The following COL24A1 variants were observed in gnomAD, a reference collection of about 807,000 sequenced individuals.
COL24A1 encodes the protein collagen type XXIV alpha 1 chain.
COL24A1 carries 224 observed loss-of-function variants against 253.9 expected under a neutral mutation model. The ratio of observed to expected loss-of-function variants is 0.88; its 90% CI spans 0.79 to 0.99. The LOEUF is 0.99. Among genes scored for constraint, COL24A1 ranks in the 50% least tolerant of loss-of-function variants. The pLI is 0.00. For missense variants in COL24A1, 2,131 were observed against 2,068.5 expected (o/e 1.03, Z -0.59); for synonymous variants, 685 against 673.7 (o/e 1.02, Z -0.26).
chr1:85,942,424 AG>A (rs1382786468), intron 24 of COL24A1, among the ~76,000 whole-genome samples: 1 of 152,084 alleles, frequency 6.6e-6, no homozygotes, highest in Non-Finnish European at 1.5e-5. Context: ...TTTTTGCCTA[AG>A]TGATTGGTCT....
At chr1:85,917,586 A>G (rs1371598441) in intron 24 of COL24A1, among the ~76,000 whole-genome samples, 3 of 139,234 alleles carry the variant, frequency 2.2e-5, no homozygotes, top group African/African-American at 8.0e-5. Context: ...ATTCTTTTCC[A>G]TGTCTTTGCT....
intron 29 of COL24A1, 60 bp from the exon 30 acceptor site, chr1:85,896,125 T>C: frequency 6.8e-7 from 1 of 1,476,642 alleles, no homozygotes; most frequent in East Asian, 2.3e-5. Context: ...CTTACTATGC[T>C]AGCATATGCT....
At chr1:86,150,501 G>C (rs957042454) in intron 1 of COL24A1, among the ~76,000 whole-genome samples, 7 of 152,162 alleles carry the variant, frequency 4.6e-5, no homozygotes, top group African/African-American at 1.7e-4. Flanking sequence ...TTAGTTAGAT[G>C]TCCAAAGAAA....
At chr1:85,849,502 G>T in intron 37 of COL24A1, 96 bp from the exon 38 acceptor site, 1 of 924,954 alleles carries the variant, frequency 1.1e-6, no homozygotes, top group Non-Finnish European at 1.7e-6. Context: ...GGATTGGATT[G>T]GACGAGAAGT....
chr1:85,808,645 T>C (rs1672224752), intron 47 of COL24A1, among the ~76,000 whole-genome samples: 1 of 152,204 alleles, frequency 6.6e-6, no homozygotes, highest in African/African-American at 2.4e-5. Context: ...TAAACTGGAC[T>C]TGGAGAGTAG....
At chr1:85,943,468 T>G (rs562037508) in intron 24 of COL24A1, among the ~76,000 whole-genome samples, 1 of 152,366 alleles carries the variant, frequency 6.6e-6, no homozygotes, top group African/African-American at 2.4e-5. Flanking sequence ...CTGAGTATCA[T>G]TCTTTCATAC....
intron 19 of COL24A1, among the ~76,000 whole-genome samples, chr1:85,993,778 C>T (rs949628785): frequency 1.3e-5 from 2 of 151,712 alleles, no homozygotes; most frequent in Non-Finnish European, 2.9e-5. Flanking sequence ...TTTTAGATAA[C>T]CATATGCTTT....
chr1:86,045,899 G>C (rs989310523), intron 12 of COL24A1: 2 of 429,878 alleles, frequency 4.7e-6, no homozygotes, highest in African/African-American at 4.1e-5. Flanking sequence ...GTAGAAGACA[G>C]AGCAGAAATA....
intron 37 of COL24A1, among the ~76,000 whole-genome samples, chr1:85,854,378 A>G (rs552894858): frequency 6.6e-6 from 1 of 152,294 alleles, no homozygotes; most frequent in East Asian, 1.9e-4. Context: ...CTTGTAGTAT[A>G]GTTTGAAGTC....
chr1:85,857,279 G>A (rs527630759), intron 37 of COL24A1, among the ~76,000 whole-genome samples: 62 of 151,944 alleles, frequency 4.1e-4, no homozygotes, highest in African/African-American at 1.4e-3. Flanking sequence ...GAAACAGCTG[G>A]GAAGTTTGTG....
chr1:86,147,742 T>A (rs950951203), intron 1 of COL24A1, among the ~76,000 whole-genome samples: 2 of 152,258 alleles, frequency 1.3e-5, no homozygotes, highest in Non-Finnish European at 2.9e-5. Flanking sequence ...AAAAACTATT[T>A]AGAACATTCA....
At chr1:86,115,675 T>G (rs1300310810) in intron 3 of COL24A1, among the ~76,000 whole-genome samples, 1 of 152,236 alleles carries the variant, frequency 6.6e-6, no homozygotes, top group Admixed American at 6.5e-5. Context: ...ATTTTTTACC[T>G]AAATTTACTT....
intron 55 of COL24A1, among the ~76,000 whole-genome samples, chr1:85,748,245 G>C (rs1006968288): frequency 6.6e-6 from 1 of 152,100 alleles, no homozygotes; most frequent in Non-Finnish European, 1.5e-5. Flanking sequence ...TAATAATGCT[G>C]GTAGTCTGTC....
At chr1:86,102,247 T>C (rs983344190) in intron 5 of COL24A1, among the ~76,000 whole-genome samples, 1 of 152,144 alleles carries the variant, frequency 6.6e-6, no homozygotes, top group Non-Finnish European at 1.5e-5. Context: ...CCTTTGTTGT[T>C]TCTAATTGTG....
chr1:86,127,805 C>T (rs1876403), intron 2 of COL24A1, among the ~76,000 whole-genome samples: 94,542 of 151,808 alleles, frequency 0.62, 29,636 homozygotes, highest in Middle Eastern at 0.67. Flanking sequence ...GAGAGAATCT[C>T]ATTTCCCAAG....
At chr1:85,739,840 T>C (rs1306877639) in intron 57 of COL24A1, among the ~76,000 whole-genome samples, 8 of 152,252 alleles carry the variant, frequency 5.3e-5, no homozygotes, top group Non-Finnish European at 1.0e-4. Context: ...AACCATTAAC[T>C]TCCAAGGCCA....
chr1:85,983,545 G>T (rs936968249), intron 20 of COL24A1, among the ~76,000 whole-genome samples: 4 of 151,740 alleles, frequency 2.6e-5, no homozygotes, highest in African/African-American at 4.8e-5. Context: ...TTGCAAATAG[G>T]GTAACCATGT....
At chr1:85,843,463 G>T (rs562360215) in intron 39 of COL24A1, among the ~76,000 whole-genome samples, 39 of 152,190 alleles carry the variant, frequency 2.6e-4, no homozygotes, top group African/African-American at 9.1e-4. Flanking sequence ...ACATATGCTT[G>T]CTTCAATAGT....
At chr1:86,154,046 A>AT (rs1653138714) in intron 1 of COL24A1, 1 of 152,138 alleles carries the variant, frequency 6.6e-6, no homozygotes, top group Non-Finnish European at 1.5e-5. Flanking sequence ...ATCACCACAA[A>AT]AGGAAAATAA....
Sources: allele counts gnomAD v4.1 joint callset (sites outside exome capture counted in the v4.1 genomes callset), GRCh38; gene constraint gnomAD v4.1.1; transcripts MANE v1.5; gene names NCBI Gene and HGNC (gene_info 2026-07-23, HGNC 2026-07-21).